Variants in MSRA observed in about 807,000 individuals in gnomAD.
The protein encoded by MSRA is methionine sulfoxide reductase A.
A neutral mutation model predicts 31.3 loss-of-function variants in MSRA; 54 were observed. That is an observed-to-expected ratio of 1.73 (90% CI 1.39 to 2.17). The LOEUF (loss-of-function observed/expected upper bound fraction) is 2.17, where lower values mean the gene tolerates loss of function less well. MSRA is among the 30% of genes most tolerant of loss of function. The pLI is 0.00. For synonymous variants in MSRA, 169 were observed against 116.5 expected (o/e 1.45, Z -2.90); for missense variants, 507 against 300.9 (o/e 1.69, Z -5.07).
intron 3 of MSRA, among the ~76,000 whole-genome samples, chr8:10,297,762 G>T (rs1040908172): frequency 2.0e-5 from 3 of 152,206 alleles, no homozygotes; most frequent in Admixed American, 2.0e-4. Context: ...AAACAACCAA[G>T]CTTCTTTAAA....
intron 1 of MSRA, among the ~76,000 whole-genome samples, chr8:10,104,545 G>C (rs1012500089): frequency 6.6e-6 from 1 of 152,176 alleles, no homozygotes; most frequent in Non-Finnish European, 1.5e-5. Context: ...TTGGCGACTG[G>C]TTGAAAGAAT....
rs561449917 is a variant in MSRA at position 10,343,668 on chromosome 8, C to CT, written c.543+23680dup. Among the ~76,000 whole-genome samples the CT allele has an allele frequency of 2.4e-3, 367 of 152,250 alleles. 1 individual carries two copies. The highest frequency in any genetic ancestry group is 8.2e-3 in the African/African-American group (341 of 41,540). ...TAGCGCTTTACATTTGTAAAGGGTG[C>CT]TGGGGGGTCCCTGGTGACCTGCACA... On this transcript the variant is annotated intron_variant, in intron 5 of 5. Transcript: ENST00000317173.
Position 10,301,566 on chromosome 8 carries a change from G to T in MSRA, c.364G>T (p.Val122Leu), listed in dbSNP as rs751421644. Residue 122 changes from valine to leucine, a missense_variant, in exon 4 of 6, where the codon GTG (valine) becomes TTG (leucine). Physicochemically the swap from Val to Leu is conservative, Grantham distance 32. Transcript: ENST00000317173. The stretch of plus-strand genomic sequence containing the variant: ...TGGCCATGCAGAAGTCGTCCGAGTG[G>T]TGTACCAGCCAGAACACATGAGTTT... ...KTGHAEVVRVVYQPEHMSFEE... is the reference protein window; with the variant it reads ...KTGHAEVVRVLYQPEHMSFEE... The T allele has an allele frequency of 2.5e-6, 4 of 1,614,036 alleles. No individual in the cohort carries two copies. The highest frequency in any genetic ancestry group is 3.4e-6 in the Non-Finnish European group (4 of 1,180,002).
chr8:10,262,790 A>G (rs538785892), intron 3 of MSRA, among the ~76,000 whole-genome samples: 10 of 152,222 alleles, frequency 6.6e-5, no homozygotes, highest in South Asian at 2.1e-4. Context: ...GTTAGTCTCA[A>G]TATTCTCCCA....
chr8:10,357,543 A>G (rs1391037168), intron 5 of MSRA, among the ~76,000 whole-genome samples: 3 of 152,186 alleles, frequency 2.0e-5, no homozygotes, highest in Non-Finnish European at 4.4e-5. Flanking sequence ...GCTCCTTCAC[A>G]TTGGCTCTGG....
intron 5 of MSRA, among the ~76,000 whole-genome samples, chr8:10,427,559 A>T (rs1387180480): frequency 1.3e-5 from 2 of 152,156 alleles, no homozygotes; most frequent in African/African-American, 4.8e-5. Flanking sequence ...AGGACGTGCC[A>T]GCAGGGTCCT....
intron 1 of MSRA, among the ~76,000 whole-genome samples, chr8:10,082,267 C>T (rs367728072): frequency 1.3e-5 from 2 of 152,176 alleles, no homozygotes; most frequent in Non-Finnish European, 1.5e-5. Flanking sequence ...ACCCATAACA[C>T]AGGTGAGAAT....
At chr8:10,141,247 C>G (rs1026261430) in intron 1 of MSRA, among the ~76,000 whole-genome samples, 3 of 152,186 alleles carry the variant, frequency 2.0e-5, no homozygotes, top group Non-Finnish European at 2.9e-5. Flanking sequence ...CCTCGCCCCT[C>G]ACGCCTTATA....
At chr8:10,367,476 T>A (rs1805233109) in intron 5 of MSRA, among the ~76,000 whole-genome samples, 1 of 152,208 alleles carries the variant, frequency 6.6e-6, no homozygotes, top group Admixed American at 6.5e-5. Flanking sequence ...AACATATCCC[T>A]CATGGATAAG....
At chr8:10,285,885 C>G (rs950509037) in intron 3 of MSRA, among the ~76,000 whole-genome samples, 1 of 152,114 alleles carries the variant, frequency 6.6e-6, no homozygotes, top group South Asian at 2.1e-4. Context: ...ATTTCTTCTT[C>G]TGCTTTTATT....
At chr8:10,198,415 A>ATAT (rs1808184734) in intron 1 of MSRA, among the ~76,000 whole-genome samples, 5 of 152,164 alleles carry the variant, frequency 3.3e-5, no homozygotes, top group Non-Finnish European at 7.3e-5. Context: ...ATACTTTAAA[A>ATAT]GTTACCATAT....
Position 10,428,808 on chromosome 8 carries a change from A to T in MSRA, c.*496A>T, listed in dbSNP as rs1421448672. ...CCTCTCTGTGCAGAGAAAAGATGTG[A>T]GTCCGCTTGATGAATTCTAATGCTT... On this transcript the variant is annotated 3_prime_UTR_variant, in exon 6 of 6. Coordinates refer to ENST00000317173, the MANE Select transcript of MSRA (RefSeq NM_012331.5). 6.3e-6 allele frequency: 1 copy of T among 158,992 alleles called. No homozygotes were observed. Among genetic ancestry groups the T allele is most frequent in the Non-Finnish European group, 1.4e-5 (1 of 73,226 alleles). 9.8% of individuals were successfully genotyped at this position (158,992 alleles called of 1,614,324 possible).
chr8:10,090,563 A>G (rs367751284), intron 1 of MSRA, among the ~76,000 whole-genome samples: 1 of 152,196 alleles, frequency 6.6e-6, no homozygotes, highest in African/African-American at 2.4e-5. Flanking sequence ...AAAACTTGTC[A>G]TTTTATTATG....
chr8:10,211,986 G>A (rs886180467), intron 2 of MSRA, among the ~76,000 whole-genome samples: 5 of 151,992 alleles, frequency 3.3e-5, no homozygotes, highest in Non-Finnish European at 5.9e-5. Context: ...GGGATTCCAA[G>A]CTTAATTTGT....
chr8:10,261,140 CTA>C (rs1040623793), intron 3 of MSRA, among the ~76,000 whole-genome samples: 1 of 151,936 alleles, frequency 6.6e-6, no homozygotes, highest in African/African-American at 2.4e-5. Flanking sequence ...CAAAAAAAAA[CTA>C]TAGTCTGCTG....
intron 3 of MSRA, among the ~76,000 whole-genome samples, chr8:10,294,461 G>T (rs1800419221): frequency 6.6e-6 from 1 of 152,128 alleles, no homozygotes; most frequent in Non-Finnish European, 1.5e-5. Context: ...CCATTTTGCA[G>T]TTAAGGAAGT....
In MSRA at chr8:10,264,339, A is replaced by G. The variant is rs142054785; in HGVS notation, c.331+19116A>G. Among the ~76,000 whole-genome samples, 29 of 152,344 alleles carry G rather than the reference A, an allele frequency of 1.9e-4. No individual in the cohort carries two copies. In the East Asian group the frequency reaches 5.6e-3, roughly 29 times the overall value. Reference sequence around the variant, plus strand: ...GTCGTTTCTTTGATTGCCCAGAACAATCTTATCATTGGATGAAACTATTAT... The same window carrying G: ...GTCGTTTCTTTGATTGCCCAGAACAGTCTTATCATTGGATGAAACTATTAT... On this transcript the variant is annotated intron_variant, in intron 3 of 5. Transcript: ENST00000317173.
At chr8:10,116,600 C>G (rs1271691495) in intron 1 of MSRA, among the ~76,000 whole-genome samples, 1 of 152,110 alleles carries the variant, frequency 6.6e-6, no homozygotes, top group Non-Finnish European at 1.5e-5. Context: ...AACATACATG[C>G]CATCGATAGA....
intron 1 of MSRA, among the ~76,000 whole-genome samples, chr8:10,105,236 C>A (rs928046492): frequency 1.3e-5 from 2 of 151,920 alleles, no homozygotes; most frequent in Non-Finnish European, 2.9e-5. Flanking sequence ...TGGAAATTAA[C>A]TATGGAATAT....
Sources: gnomAD v4.1 joint callset for allele counts (sites outside exome capture counted in the v4.1 genomes callset) on GRCh38, gnomAD v4.1.1 for gene constraint, MANE v1.5 for transcripts, NCBI Gene and HGNC (gene_info 2026-07-23, HGNC 2026-07-21) for gene names.